Variants in GRIN2A observed in about 807,000 individuals in gnomAD.
The protein encoded by GRIN2A is glutamate ionotropic receptor NMDA type subunit 2A.
In GRIN2A, 22 loss-of-function variants were observed where a neutral mutation model predicts 113.4. That is an observed-to-expected ratio of 0.19 (90% CI 0.14 to 0.28). GRIN2A has a LOEUF of 0.28. Among genes scored for constraint, GRIN2A ranks in the 10% least tolerant of loss-of-function variants. The pLI is 1.00. For missense variants in GRIN2A, 1,502 were observed against 1,887.0 expected (o/e 0.80, Z 3.78); for synonymous variants, 827 against 738.4 (o/e 1.12, Z -1.94).
chr16:10,010,257 A>G (rs1190787392), intron 2 of GRIN2A, among the ~76,000 whole-genome samples: 1 of 152,212 alleles, frequency 6.6e-6, no homozygotes, highest in Non-Finnish European at 1.5e-5. Context: ...TTTGTACACT[A>G]ATACAAGAAG....
At chr16:10,014,844 T>C (rs1254926776) in intron 2 of GRIN2A, among the ~76,000 whole-genome samples, 1 of 152,080 alleles carries the variant, frequency 6.6e-6, no homozygotes, top group Non-Finnish European at 1.5e-5. Flanking sequence ...CAACAAGTAA[T>C]GGGTTATTAA....
chr16:10,123,927 T>C (rs1475827392), intron 2 of GRIN2A, among the ~76,000 whole-genome samples: 1 of 152,172 alleles, frequency 6.6e-6, no homozygotes, highest in Non-Finnish European at 1.5e-5. Context: ...TATGTATAAA[T>C]CACTCGGCAC....
chr16:10,038,492 C>T (rs12448069), intron 2 of GRIN2A, among the ~76,000 whole-genome samples: 32,703 of 151,784 alleles, frequency 0.22, 4,221 homozygotes, highest in East Asian at 0.52. Flanking sequence ...CCCTGTCCTC[C>T]ACCTACTAGA....
chr16:9,849,800 C>T lies in GRIN2A; in HGVS notation c.1284G>A (p.Thr428=), dbSNP rs147211564. ...GACATGGCACGGTGTTCCTCACACA[C>T]GTCTCGGTCAGGGGGTCTATGTCTT... ...IVEDIDPLTE[T]CVRNTVPCRK... The change falls in exon 5 of 13, where the codon ACG becomes ACA. Residue 428 remains threonine, a synonymous_variant. Transcript: ENST00000330684. 3.3e-5 allele frequency: 54 copies of T among 1,613,982 alleles called. No individual in the cohort carries two copies. The highest frequency in any genetic ancestry group is 2.7e-4 in the Admixed American group (16 of 60,002).
chr16:9,855,226 C>T (rs1237021049), intron 4 of GRIN2A, among the ~76,000 whole-genome samples: 9 of 152,168 alleles, frequency 5.9e-5, no homozygotes, highest in Non-Finnish European at 1.3e-4. Context: ...TGACCTTGAA[C>T]AAGCCACATA....
chr16:10,038,673 C>G (rs1437012428), intron 2 of GRIN2A, among the ~76,000 whole-genome samples: 1 of 113,354 alleles, frequency 8.8e-6, no homozygotes, highest in Non-Finnish European at 1.9e-5. Context: ...GAAACCCTGT[C>G]TCTACTATAA....
At chr16:9,979,145 C>G (rs1471147080) in intron 2 of GRIN2A, among the ~76,000 whole-genome samples, 1 of 152,100 alleles carries the variant, frequency 6.6e-6, no homozygotes, top group Non-Finnish European at 1.5e-5. Flanking sequence ...TTTATTTTAT[C>G]TACTCAAAAG....
At chr16:9,905,762 G>C (rs961842655) in intron 3 of GRIN2A, among the ~76,000 whole-genome samples, 2 of 152,018 alleles carry the variant, frequency 1.3e-5, no homozygotes, top group African/African-American at 4.8e-5. Context: ...AAGGGGGAGG[G>C]GTGCACCTGT....
chr16:9,763,240 T>A lies in GRIN2A; in HGVS notation c.4304A>T (p.Lys1435Met). ...SEHVMPYAAN[K>M]NNMYSTPRVL... is the part of the protein sequence containing the mutation. ...CCTGGGGGTAGAGTACATATTATTC[T>A]TATTTGCAGCATAAGGCATAACATG... The change falls in exon 13 of 13, where the codon AAG becomes ATG. Residue 1435 changes from lysine (K) to methionine (M), a missense_variant. By Grantham distance (95) the Lys-to-Met change is moderately conservative (BLOSUM62 -1). Around this residue, in one of 7 missense-constraint regions of GRIN2A, gnomAD observed 832 missense variants for 789.7 expected, o/e 1.05. Coordinates refer to ENST00000330684, the MANE Select transcript of GRIN2A (RefSeq NM_001134407.3). The A allele has an allele frequency of 6.2e-7, 1 of 1,614,132 alleles. No homozygotes were observed. Among genetic ancestry groups the A allele is most frequent in the South Asian group, 1.1e-5 (1 of 91,082 alleles).
intron 10 of GRIN2A, among the ~76,000 whole-genome samples, chr16:9,806,649 G>A (rs2041973225): frequency 6.6e-6 from 1 of 151,610 alleles, no homozygotes; most frequent in African/African-American, 2.4e-5. Context: ...CAGAAAGAGA[G>A]AAAAACGATG....
At chr16:10,111,606 G>C (rs569924146) in intron 2 of GRIN2A, 1 of 1,160,330 alleles carries the variant, frequency 8.6e-7, no homozygotes, top group Non-Finnish European at 1.3e-6. Flanking sequence ...CTGAGACAGA[G>C]GCCGACATGG....
At chr16:10,113,885 G>A (rs1030623055) in intron 2 of GRIN2A, among the ~76,000 whole-genome samples, 13 of 152,156 alleles carry the variant, frequency 8.5e-5, no homozygotes, top group African/African-American at 2.9e-4. Context: ...ACCTTGAGGA[G>A]TAGAGTCTTG....
At chr16:10,070,181 G>A (rs188740505) in intron 2 of GRIN2A, among the ~76,000 whole-genome samples, 28 of 152,238 alleles carry the variant, frequency 1.8e-4, no homozygotes, top group African/African-American at 6.7e-4. Flanking sequence ...CTGGACATGG[G>A]TCCCCGAGAT....
At chr16:10,168,099 A>G (rs1028007228) in intron 2 of GRIN2A, among the ~76,000 whole-genome samples, 3 of 152,180 alleles carry the variant, frequency 2.0e-5, no homozygotes, top group Non-Finnish European at 4.4e-5. Flanking sequence ...CCATTTCGAG[A>G]TCATTGGCAA....
rs1900251975 is a variant in GRIN2A at position 9,753,615 on chromosome 16, T to C, written c.*9534A>G. 1 of 195,088 alleles carries C rather than the reference T, an allele frequency of 5.1e-6. No homozygotes were observed. The highest frequency in any genetic ancestry group is 2.3e-5 in the African/African-American group (1 of 43,170). The allele number at this position is 195,088 out of a possible 1,614,324, so 12.1% of individuals were successfully genotyped here. A position where few individuals can be genotyped will look rare whatever the true frequency, so the allele number is the denominator to read the frequency against. ...AAGACATACTACAAGAAGACAACCA[T>C]AGTATATACTTCCTCTATCATAGAA... is the stretch of plus-strand genomic sequence containing the variant. On this transcript the variant is annotated 3_prime_UTR_variant, in exon 13 of 13. Coordinates refer to ENST00000330684, the MANE Select transcript of GRIN2A (RefSeq NM_001134407.3).
chr16:9,804,185 C>T (rs2041920837), intron 10 of GRIN2A, among the ~76,000 whole-genome samples: 1 of 152,172 alleles, frequency 6.6e-6, no homozygotes, highest in African/African-American at 2.4e-5. Context: ...GGAAGCCCGC[C>T]ATATTTCAAG....
At chr16:10,137,794 G>A (rs1195969760) in intron 2 of GRIN2A, among the ~76,000 whole-genome samples, 1 of 152,190 alleles carries the variant, frequency 6.6e-6, no homozygotes, top group Non-Finnish European at 1.5e-5. Flanking sequence ...CACAAAGTAA[G>A]GGCTGAAGCA....
At chr16:9,962,835 G>A (rs552785698) in intron 2 of GRIN2A, among the ~76,000 whole-genome samples, 129 of 152,092 alleles carry the variant, frequency 8.5e-4, no homozygotes, top group African/African-American at 2.8e-3. Context: ...TGTTTACTGC[G>A]GCACTATTCA....
chr16:9,796,576 C>T (rs759409392), intron 11 of GRIN2A, among the ~76,000 whole-genome samples: 79 of 152,346 alleles, frequency 5.2e-4, no homozygotes, highest in Non-Finnish European at 1.0e-3. Context: ...CAGACGTGAA[C>T]GTGACCAAGC....
Sources: allele counts gnomAD v4.1 joint callset (sites outside exome capture counted in the v4.1 genomes callset), GRCh38; gene constraint gnomAD v4.1.1; regional missense constraint gnomAD v4.1.1; transcripts MANE v1.5; gene names NCBI Gene and HGNC (gene_info 2026-07-23, HGNC 2026-07-21).